RAPGEF2: variants seen among roughly 807,000 people sequenced by gnomAD.
The protein encoded by RAPGEF2 is PDZ domain containing guanine nucleotide exchange factor (GEF) 1.
Under a neutral mutation model 186.7 loss-of-function variants are expected in RAPGEF2, and 54 were observed. The ratio of observed to expected loss-of-function variants is 0.29; its 90% confidence interval spans 0.23 to 0.36. RAPGEF2 has a LOEUF of 0.36. Ranked by LOEUF, RAPGEF2 falls within the 10% of genes least tolerant of loss-of-function variation. The probability of loss-of-function intolerance (pLI) is 1.00; values close to 1 mark genes in which losing one functional copy is unlikely to be tolerated. For synonymous variants in RAPGEF2, 712 were observed against 705.9 expected, an observed-to-expected ratio of 1.01 and a Z score of -0.14; for missense variants, 1,532 against 2,045.0, an observed-to-expected ratio of 0.75 and a Z score of 4.84.
chr4:159,123,341 A>T (rs1739924388), intron 1 of RAPGEF2, among the ~76,000 whole-genome samples: 1 of 152,134 alleles, frequency 6.6e-6, no homozygotes, highest in Admixed American at 6.6e-5. Flanking sequence ...CTCTTTTGTT[A>T]TGCTGAAAGT....
chr4:159,240,260 C>T (rs1227526067), intron 5 of RAPGEF2, among the ~76,000 whole-genome samples: 6 of 151,004 alleles, frequency 4.0e-5, no homozygotes, highest in Admixed American at 2.0e-4. Flanking sequence ...AGACATGCCT[C>T]CATTATGAGA....
In RAPGEF2 at chr4:159,159,413, C is replaced by T. The variant is rs184587184; in HGVS notation, c.70-27229C>T. ...CAACCTATAGATGTTTTCAAGAAAA[C>T]TGAGTGTAGTGTTGTTCCAAGAAAA... is the stretch of plus-strand genomic sequence containing the variant. On this transcript the variant is annotated intron_variant, in intron 1 of 29. Transcript: ENST00000691494. Among the ~76,000 whole-genome samples, 54 of 148,420 alleles carry T rather than the reference C, an allele frequency of 3.6e-4. No individual in the cohort carries two copies. In the East Asian group the frequency reaches 8.3e-3, roughly 23 times the overall value.
intron 1 of RAPGEF2, among the ~76,000 whole-genome samples, chr4:159,165,971 T>C (rs1050338279): frequency 6.6e-6 from 1 of 151,940 alleles, no homozygotes; most frequent in Admixed American, 6.6e-5. Context: ...CATTGAACAA[T>C]GAAATAAGAA....
At chr4:159,198,054 T>G (rs952764773) in intron 3 of RAPGEF2, among the ~76,000 whole-genome samples, 2 of 152,158 alleles carry the variant, frequency 1.3e-5, no homozygotes, top group Non-Finnish European at 2.9e-5. Flanking sequence ...CTCTTACTCA[T>G]ATCCAATTAT....
intron 1 of RAPGEF2, among the ~76,000 whole-genome samples, chr4:159,184,108 G>A (rs1387535426): frequency 6.6e-6 from 1 of 152,142 alleles, no homozygotes; most frequent in African/African-American, 2.4e-5. Flanking sequence ...TCCATGGTGT[G>A]TATGTGCCAC....
intron 1 of RAPGEF2, among the ~76,000 whole-genome samples, chr4:159,148,414 TC>T (rs1240540781): frequency 6.6e-6 from 1 of 152,236 alleles, no homozygotes; most frequent in Non-Finnish European, 1.5e-5. Flanking sequence ...ATATTTTGAA[TC>T]AGAAAGTGTT....
intron 2 of RAPGEF2, among the ~76,000 whole-genome samples, chr4:159,189,100 TA>T (rs1353812472): frequency 1.3e-5 from 2 of 152,242 alleles, no homozygotes; most frequent in African/African-American, 4.8e-5. Context: ...TATTTTCCTT[TA>T]ATTTTATACC....
chr4:159,278,842 T>TA (rs1156811303), intron 7 of RAPGEF2, among the ~76,000 whole-genome samples: 1 of 152,228 alleles, frequency 6.6e-6, no homozygotes, highest in African/African-American at 2.4e-5. Flanking sequence ...CTTAGAATAA[T>TA]ACACAACCCA....
At chr4:159,246,114 A>T (rs1197216166) in intron 7 of RAPGEF2, among the ~76,000 whole-genome samples, 1 of 152,180 alleles carries the variant, frequency 6.6e-6, no homozygotes, top group Middle Eastern at 3.2e-3. Flanking sequence ...GGTCGTGTAA[A>T]AGGATATCTC....
chr4:159,175,633 A>G (rs557228376), intron 1 of RAPGEF2, among the ~76,000 whole-genome samples: 1 of 152,172 alleles, frequency 6.6e-6, no homozygotes, highest in Non-Finnish European at 1.5e-5. Context: ...GAATGCTTTA[A>G]ACCCCCATCT....
intron 5 of RAPGEF2, among the ~76,000 whole-genome samples, chr4:159,240,394 C>T (rs1279588139): frequency 1.6e-5 from 2 of 124,752 alleles, no homozygotes; most frequent in Non-Finnish European, 3.1e-5. Context: ...AGTGCAGTGG[C>T]GCGATCTCAG....
intron 7 of RAPGEF2, among the ~76,000 whole-genome samples, chr4:159,283,900 G>C (rs1200372547): frequency 6.6e-6 from 1 of 152,120 alleles, no homozygotes; most frequent in Non-Finnish European, 1.5e-5. Context: ...AATTCAAGCA[G>C]TTGCCAGATT....
chr4:159,274,969 A>G (rs1758641705), intron 7 of RAPGEF2, among the ~76,000 whole-genome samples: 2 of 151,842 alleles, frequency 1.3e-5, no homozygotes, highest in Non-Finnish European at 2.9e-5. Context: ...TAAAGAATTA[A>G]TCACTTGTCA....
At chr4:159,311,559 T>C (rs2111092837) in intron 8 of RAPGEF2, among the ~76,000 whole-genome samples, 1 of 152,320 alleles carries the variant, frequency 6.6e-6, no homozygotes, top group South Asian at 2.1e-4. Context: ...TAGTAAGAAG[T>C]TGTATCTACA....
At chr4:159,129,032 A>G (rs1740710035) in intron 1 of RAPGEF2, 1 of 150,572 alleles carries the variant, frequency 6.6e-6, no homozygotes, top group South Asian at 2.1e-4. Context: ...TATGATATGA[A>G]TGGATGCAGT....
At chr4:159,157,424 T>C (rs57659936) in intron 1 of RAPGEF2, among the ~76,000 whole-genome samples, 3,757 of 152,304 alleles carry the variant, frequency 0.025, 162 homozygotes, top group African/African-American at 0.083. Context: ...TTATCTATTA[T>C]TGCTAATACT....
intron 2 of RAPGEF2, among the ~76,000 whole-genome samples, chr4:159,192,838 T>A (rs1237983790): frequency 6.6e-6 from 1 of 152,212 alleles, no homozygotes; most frequent in Non-Finnish European, 1.5e-5. Flanking sequence ...TTAAAATCAA[T>A]AGGTTTTCCT....
Position 159,248,699 on chromosome 4 carries a change from C to T in RAPGEF2, c.543+4908C>T, listed in dbSNP as rs1419163273. ...GGTATTTACGTTGATTTAATTTATA[C>T]GGATTGGGAAATTGCACTATAGCAT... On this transcript the variant is annotated intron_variant, in intron 7 of 29. Coordinates refer to ENST00000691494, the MANE Select transcript of RAPGEF2 (RefSeq NM_001394067.2). 2.6e-5 allele frequency among the ~76,000 whole-genome samples: 4 copies of T among 152,216 alleles called. No homozygotes were observed. The East Asian group carries it at 5.8e-4, about 22-fold the overall frequency.
At chr4:159,219,894 T>C (rs1414740769) in intron 4 of RAPGEF2, among the ~76,000 whole-genome samples, 1 of 152,232 alleles carries the variant, frequency 6.6e-6, no homozygotes, top group East Asian at 1.9e-4. Flanking sequence ...GTCCTACAAA[T>C]ATTATTGATT....
Sources: gnomAD v4.1 joint callset for allele counts (sites outside exome capture counted in the v4.1 genomes callset) on GRCh38, gnomAD v4.1.1 for gene constraint, MANE v1.5 for transcripts, NCBI Gene and HGNC (gene_info 2026-07-23, HGNC 2026-07-21) for gene names.